The following EML4 variants were observed in gnomAD, a reference collection of about 807,000 sequenced individuals.
EML4 encodes the protein echinoderm microtubule-associated protein-like 4.
EML4 carries 72 observed loss-of-function variants against 129.0 expected under a neutral mutation model. That is an observed-to-expected ratio of 0.56 (90% CI 0.46 to 0.68). EML4 has a LOEUF of 0.68. Among genes scored for constraint, EML4 ranks in the 30% least tolerant of loss-of-function variants. The pLI is 0.00. For synonymous variants in EML4, 532 were observed against 405.0 expected (o/e 1.31, Z -3.77); for missense variants, 1,363 against 1,190.6 (o/e 1.14, Z -2.13).
intron 1 of EML4, among the ~76,000 whole-genome samples, chr2:42,239,592 C>G (rs567202809): frequency 8.0e-4 from 121 of 151,874 alleles, no homozygotes; most frequent in Non-Finnish European, 1.5e-3. Flanking sequence ...TACTTTTTTT[C>G]TTAATGAGTT....
intron 1 of EML4, among the ~76,000 whole-genome samples, chr2:42,212,703 A>G (rs1366558585): frequency 6.6e-6 from 1 of 152,222 alleles, no homozygotes; most frequent in Non-Finnish European, 1.5e-5. Context: ...TAAGGCAGAT[A>G]GTCCCCTTCA....
intron 2 of EML4, 120 bp downstream of exon 2, chr2:42,245,807 C>T: frequency 2.0e-6 from 2 of 992,942 alleles, no homozygotes; most frequent in South Asian, 2.5e-5. Flanking sequence ...GTTTGTTTTC[C>T]ATTTCGTTTT....
intron 1 of EML4, among the ~76,000 whole-genome samples, chr2:42,217,747 T>C (rs2104078532): frequency 6.6e-6 from 1 of 152,300 alleles, no homozygotes. Context: ...GAACTGTAGT[T>C]TTTAGAGGAT....
intron 1 of EML4, among the ~76,000 whole-genome samples, chr2:42,238,550 T>A (rs1201719253): frequency 6.6e-6 from 1 of 152,192 alleles, no homozygotes; most frequent in African/African-American, 2.4e-5. Flanking sequence ...CAAGACCAGC[T>A]TGGGCAATAT....
At chr2:42,320,069 A>T (rs1669441530) in intron 19 of EML4, 1 of 152,182 alleles carries the variant, frequency 6.6e-6, no homozygotes, top group Non-Finnish European at 1.5e-5. Flanking sequence ...TGGAAATGTC[A>T]GTTGAAAAGA....
intron 6 of EML4, among the ~76,000 whole-genome samples, chr2:42,272,370 T>G (rs1010889370): frequency 4.6e-5 from 7 of 152,360 alleles, no homozygotes; most frequent in Middle Eastern, 3.4e-3. Context: ...TAAACTTTGG[T>G]GAACTATTTT....
chr2:42,187,466 G>A (rs900645467), intron 1 of EML4, among the ~76,000 whole-genome samples: 1 of 152,004 alleles, frequency 6.6e-6, no homozygotes, highest in South Asian at 2.1e-4. Context: ...TCACTAGTTC[G>A]TTCCTTTTCA....
chr2:42,284,487 TTGA>T (rs1201614446), intron 8 of EML4, 144 bp from the exon 9 acceptor site: 3 of 498,024 alleles, frequency 6.0e-6, no homozygotes, highest in African/African-American at 2.0e-5. Flanking sequence ...CTTCAGATAT[TTGA>T]TGATTGTTTG....
chr2:42,285,362 A>G lies in EML4; in HGVS notation c.1011+659A>G, dbSNP rs921893262. Among the ~76,000 whole-genome samples the G allele has an allele frequency of 4.6e-5, 7 of 152,306 alleles. No individual in the cohort carries two copies. The South Asian group carries it at 6.2e-4, about 14-fold the overall frequency. ...GTGACTGAGTAACGTATGTATGACTATACTCATGACATTCTCAGGCTTCAG... is the reference window on the plus strand; with the variant it reads ...GTGACTGAGTAACGTATGTATGACTGTACTCATGACATTCTCAGGCTTCAG... On this transcript the variant is annotated intron_variant, in intron 9 of 22. Coordinates refer to ENST00000318522, the MANE Select transcript of EML4 (RefSeq NM_019063.5).
intron 1 of EML4, among the ~76,000 whole-genome samples, chr2:42,222,484 A>G (rs545797045): frequency 2.0e-5 from 3 of 152,318 alleles, no homozygotes; most frequent in Admixed American, 1.3e-4. Context: ...ACACATTTGT[A>G]TAGTTAATAT....
intron 1 of EML4, among the ~76,000 whole-genome samples, chr2:42,189,640 A>C (rs1671467131): frequency 6.6e-6 from 1 of 152,236 alleles, no homozygotes; most frequent in Non-Finnish European, 1.5e-5. Context: ...TAACAATCTT[A>C]GGAATTAGAA....
intron 2 of EML4, among the ~76,000 whole-genome samples, chr2:42,255,787 A>G (rs1015666706): frequency 5.3e-5 from 8 of 152,246 alleles, no homozygotes; most frequent in Non-Finnish European, 7.3e-5. Flanking sequence ...AATGACCTCC[A>G]ACATCTTATT....
intron 6 of EML4, among the ~76,000 whole-genome samples, chr2:42,278,921 A>G (rs1666842833): frequency 7.1e-6 from 1 of 140,288 alleles, no homozygotes; most frequent in Non-Finnish European, 1.5e-5. Context: ...GGGCAACAAG[A>G]GCGAAACTCT....
intron 6 of EML4, among the ~76,000 whole-genome samples, chr2:42,266,563 C>G (rs1666075296): frequency 1.3e-5 from 2 of 151,624 alleles, no homozygotes; most frequent in African/African-American, 4.9e-5. Flanking sequence ...AGGTTGGTCT[C>G]AAACTCCTGG....
chr2:42,198,804 T>A (rs1473288456), intron 1 of EML4, among the ~76,000 whole-genome samples: 2 of 152,154 alleles, frequency 1.3e-5, no homozygotes, highest in Admixed American at 1.3e-4. Context: ...TGGGTTTTTG[T>A]GGTGGTTTCT....
chr2:42,180,798 A>G (rs969484903), intron 1 of EML4, among the ~76,000 whole-genome samples: 23 of 152,238 alleles, frequency 1.5e-4, no homozygotes, highest in Admixed American at 6.5e-5. Flanking sequence ...AATGTCTTTT[A>G]TAGCAAAAAG....
At chr2:42,325,920 T>G in intron 20 of EML4, 1 of 166,334 alleles carries the variant, frequency 6.0e-6, no homozygotes, top group Non-Finnish European at 1.2e-5. Context: ...AGGAATATGA[T>G]AGATGGGCAT....
chr2:42,219,207 C>T (rs1354278781), intron 1 of EML4, among the ~76,000 whole-genome samples: 5 of 152,162 alleles, frequency 3.3e-5, no homozygotes. Context: ...ATACAGTTGA[C>T]CCTTGAACAA....
chr2:42,260,131 C>G (rs1665634558), intron 3 of EML4, among the ~76,000 whole-genome samples: 1 of 151,630 alleles, frequency 6.6e-6, no homozygotes, highest in African/African-American at 2.4e-5. Flanking sequence ...TCGCAAAGTA[C>G]TGGGATTACA....
Sources: allele counts gnomAD v4.1 joint callset (sites outside exome capture counted in the v4.1 genomes callset), GRCh38; gene constraint gnomAD v4.1.1; transcripts MANE v1.5; gene names NCBI Gene and HGNC (gene_info 2026-07-23, HGNC 2026-07-21).